The following PDSS2 variants were observed in gnomAD, a reference collection of about 807,000 sequenced individuals.
The protein encoded by PDSS2 is all trans-polyprenyl-diphosphate synthase PDSS2.
In PDSS2, 31 loss-of-function variants were observed where a neutral mutation model predicts 44.5. The ratio of observed to expected loss-of-function variants is 0.70; its 90% CI spans 0.52 to 0.94. The LOEUF is 0.94. Ranked by LOEUF, PDSS2 falls within the 40% of genes least tolerant of loss-of-function variation. The pLI, the probability that PDSS2 is intolerant of heterozygous loss-of-function variation, is 0.00. For missense variants in PDSS2, 452 were observed against 482.2 expected (o/e 0.94, Z 0.59); for synonymous variants, 157 against 180.3 (o/e 0.87, Z 1.03).
intron 4 of PDSS2, among the ~76,000 whole-genome samples, chr6:107,237,896 T>TG (rs201432230): frequency 3.3e-5 from 4 of 120,444 alleles, no homozygotes; most frequent in African/African-American, 6.2e-5. Context: ...ACTCCGTCTC[T>TG]GAAAAAAAAA....
At chr6:107,449,262 T>C (rs1182872612) in intron 1 of PDSS2, among the ~76,000 whole-genome samples, 1 of 152,252 alleles carries the variant, frequency 6.6e-6, no homozygotes, top group Admixed American at 6.5e-5. Context: ...TCAGACAATA[T>C]ATAAACTTTT....
At chr6:107,196,180 G>T (rs149454813) in intron 6 of PDSS2, among the ~76,000 whole-genome samples, 3 of 152,090 alleles carry the variant, frequency 2.0e-5, no homozygotes, top group African/African-American at 7.2e-5. Context: ...ATATTTATTC[G>T]TTTGTCTGTT....
intron 1 of PDSS2, among the ~76,000 whole-genome samples, chr6:107,363,627 G>A (rs962480981): frequency 2.0e-5 from 3 of 152,166 alleles, no homozygotes; most frequent in East Asian, 1.9e-4. Flanking sequence ...TGCAAAGAGC[G>A]AAAGAACAAA....
intron 1 of PDSS2, among the ~76,000 whole-genome samples, chr6:107,343,743 CA>C (rs1303746908): frequency 2.6e-5 from 4 of 152,034 alleles, no homozygotes; most frequent in African/African-American, 9.7e-5. Flanking sequence ...ATAAATATGT[CA>C]AAAGGTTAAC....
intron 1 of PDSS2, among the ~76,000 whole-genome samples, chr6:107,337,266 C>T (rs1394496793): frequency 6.6e-6 from 1 of 152,128 alleles, no homozygotes; most frequent in Non-Finnish European, 1.5e-5. Flanking sequence ...AGTAACTTGT[C>T]TAAGGTACCA....
chr6:107,438,168 T>C (rs776493892), intron 1 of PDSS2, among the ~76,000 whole-genome samples: 3 of 152,148 alleles, frequency 2.0e-5, no homozygotes, highest in Non-Finnish European at 4.4e-5. Context: ...TTAGACTCAA[T>C]AACTCAAATC....
chr6:107,318,217 G>A (rs1031445066), intron 2 of PDSS2, among the ~76,000 whole-genome samples: 4 of 151,806 alleles, frequency 2.6e-5, no homozygotes, highest in African/African-American at 9.7e-5. Flanking sequence ...AGTATATACT[G>A]GCTAATTTCC....
chr6:107,286,910 C>T lies in PDSS2; in HGVS notation c.432-12683G>A, dbSNP rs139077274. Among the ~76,000 whole-genome samples, 754 of 151,638 alleles carry T rather than the reference C, an allele frequency of 5.0e-3. 8 individuals are homozygous for T. Among genetic ancestry groups the T allele is most frequent in the African/African-American group, 0.017 (722 of 41,330 alleles). On this transcript the variant is annotated intron_variant, in intron 2 of 7. Transcript: ENST00000369037. ...AAAAAATTAGCTGAGCATGGTGGCACGCGCCTGTAGTCCCAGCTACCCGGG... is the reference window on the plus strand; with the variant it reads ...AAAAAATTAGCTGAGCATGGTGGCATGCGCCTGTAGTCCCAGCTACCCGGG...
At chr6:107,369,340 C>A (rs1464961953) in intron 1 of PDSS2, among the ~76,000 whole-genome samples, 2 of 152,124 alleles carry the variant, frequency 1.3e-5, no homozygotes, top group Non-Finnish European at 2.9e-5. Context: ...ATTGCTTGAA[C>A]CCAGGAGGTG....
chr6:107,201,633 G>T (rs893715069), intron 6 of PDSS2, among the ~76,000 whole-genome samples: 1 of 152,170 alleles, frequency 6.6e-6, no homozygotes, highest in Non-Finnish European at 1.5e-5. Context: ...ACTGTTATCT[G>T]GAGTTGAAAG....
intron 3 of PDSS2, among the ~76,000 whole-genome samples, chr6:107,246,449 A>G (rs1015815257): frequency 2.6e-5 from 4 of 152,196 alleles, no homozygotes; most frequent in African/African-American, 9.6e-5. Context: ...TACAAGTCTT[A>G]ATATCTTGTA....
chr6:107,228,422 G>A (rs1008194935), intron 4 of PDSS2, among the ~76,000 whole-genome samples: 3 of 152,030 alleles, frequency 2.0e-5, no homozygotes, highest in Admixed American at 1.3e-4. Flanking sequence ...GGCCAGGCGC[G>A]GCGGCTCACA....
intron 1 of PDSS2, among the ~76,000 whole-genome samples, chr6:107,407,500 T>C (rs905393979): frequency 2.0e-5 from 3 of 152,218 alleles, no homozygotes; most frequent in African/African-American, 7.2e-5. Context: ...TTTGGAGGTA[T>C]GAGGAATTTG....
At chr6:107,364,496 C>T (rs1245315810) in intron 1 of PDSS2, among the ~76,000 whole-genome samples, 41 of 152,358 alleles carry the variant, frequency 2.7e-4, no homozygotes, top group African/African-American at 9.1e-4. Context: ...GGTGCTAAGT[C>T]CCCCATTGCC....
intron 3 of PDSS2, among the ~76,000 whole-genome samples, chr6:107,269,938 A>ACTATACT (rs1775541533): frequency 6.6e-6 from 1 of 152,106 alleles, no homozygotes; most frequent in South Asian, 2.1e-4. Context: ...AAGTGCTGGA[A>ACTATACT]ATACAGGCGT....
intron 4 of PDSS2, among the ~76,000 whole-genome samples, chr6:107,228,358 T>C (rs1386110440): frequency 6.6e-6 from 1 of 152,158 alleles, no homozygotes; most frequent in Non-Finnish European, 1.5e-5. Flanking sequence ...TTCTAACATG[T>C]ATACTTCACA....
At chr6:107,238,090 A>G (rs1294760959) in intron 4 of PDSS2, among the ~76,000 whole-genome samples, 1 of 152,068 alleles carries the variant, frequency 6.6e-6, no homozygotes, top group African/African-American at 2.4e-5. Context: ...TTCTTTCCCA[A>G]GAGAACTGGA....
chr6:107,336,191 G>A (rs1441295335), intron 1 of PDSS2, among the ~76,000 whole-genome samples: 1 of 150,492 alleles, frequency 6.6e-6, no homozygotes, highest in Non-Finnish European at 1.5e-5. Flanking sequence ...GGAGGTAGAG[G>A]TTGCAGTGAA....
At chr6:107,435,271 A>T (rs1781313911) in intron 1 of PDSS2, among the ~76,000 whole-genome samples, 1 of 140,272 alleles carries the variant, frequency 7.1e-6, no homozygotes, top group African/African-American at 2.6e-5. Flanking sequence ...AGAGCAACAT[A>T]CTGCCTCAAA....
Sources: gnomAD v4.1 joint callset for allele counts (sites outside exome capture counted in the v4.1 genomes callset) on GRCh38, gnomAD v4.1.1 for gene constraint, MANE v1.5 for transcripts, NCBI Gene and HGNC (gene_info 2026-07-23, HGNC 2026-07-21) for gene names.